Variants in LARP1 observed in about 807,000 individuals in gnomAD.
The protein encoded by LARP1 is la-related protein 1.
LARP1 carries 36 observed loss-of-function variants against 122.7 expected under a neutral mutation model. The observed-to-expected ratio is 0.29, with a 90% CI of 0.22 to 0.39. The LOEUF is 0.39. Ranked by LOEUF, LARP1 falls within the 10% of genes least tolerant of loss-of-function variation. The pLI is 1.00. For synonymous variants in LARP1, 539 were observed against 528.7 expected (o/e 1.02, Z -0.27); for missense variants, 1,040 against 1,403.6 (o/e 0.74, Z 4.14).
chr5:154,712,762 G>C, upstream of LARP1: 1 of 627,170 alleles, frequency 1.6e-6, no homozygotes, highest in Non-Finnish European at 2.9e-6. Context: ...AGCCTTGCTC[G>C]GCCAATGAGC....
intron 1 of LARP1, among the ~76,000 whole-genome samples, chr5:154,745,410 C>A (rs1753138594): frequency 6.6e-6 from 1 of 152,230 alleles, no homozygotes; most frequent in Non-Finnish European, 1.5e-5. Flanking sequence ...CCACTACCCC[C>A]TTTATGATAA....
intron 3 of LARP1, 47 bp downstream of exon 3, chr5:154,790,757 C>A: frequency 5.3e-6 from 8 of 1,522,838 alleles, no homozygotes; most frequent in Non-Finnish European, 6.4e-6. Context: ...TCTTGACATA[C>A]ACACATTTAG....
intron 1 of LARP1, among the ~76,000 whole-genome samples, chr5:154,704,309 T>C (rs1398144268): frequency 6.6e-6 from 1 of 152,156 alleles, no homozygotes; most frequent in Non-Finnish European, 1.5e-5. Context: ...GTATGTTTGA[T>C]TGACAGGGCT....
chr5:154,810,328 C>T (rs1053200962), intron 16 of LARP1, among the ~76,000 whole-genome samples: 3 of 151,304 alleles, frequency 2.0e-5, no homozygotes, highest in Admixed American at 6.6e-5. Context: ...TCCAGCTACA[C>T]GGGAGGCTGA....
At chr5:154,738,703 T>C (rs1313350080) in intron 1 of LARP1, among the ~76,000 whole-genome samples, 1 of 152,172 alleles carries the variant, frequency 6.6e-6, no homozygotes, top group African/African-American at 2.4e-5. Context: ...ACATTATTTT[T>C]GATCCAAAAT....
At chr5:154,714,754 TAGA>T (rs1393612040) in intron 1 of LARP1, among the ~76,000 whole-genome samples, 1 of 152,158 alleles carries the variant, frequency 6.6e-6, no homozygotes, top group Non-Finnish European at 1.5e-5. Context: ...GAGCCTATGG[TAGA>T]AGGAGTGGAG....
chr5:154,733,208 C>T (rs1756687188), intron 1 of LARP1, among the ~76,000 whole-genome samples: 2 of 152,168 alleles, frequency 1.3e-5, no homozygotes, highest in Non-Finnish European at 2.9e-5. Flanking sequence ...ATTTAAGTAA[C>T]ACATACATTA....
At chr5:154,791,331 A>C (rs1582422861) in intron 3 of LARP1, among the ~76,000 whole-genome samples, 1 of 151,856 alleles carries the variant, frequency 6.6e-6, no homozygotes, top group East Asian at 1.9e-4. Flanking sequence ...CTCCCGCCTC[A>C]GCCTCCTGAG....
At position 154,790,347 on chromosome 5, in the gene LARP1, G is replaced by A; in HGVS notation, c.459G>A (p.Val153=). Residue 153 remains valine (V), a synonymous_variant, in exon 2 of 19, where the codon GTG becomes GTA. Transcript: ENST00000518297. The part of the protein sequence containing the change: ...SPPEHSAPAK[V]VRAAVPKQRK... The stretch of plus-strand genomic sequence containing the variant: ...CAGAACACTCTGCTCCAGCCAAGGT[G>A]GTGAGGGCAGCTGTTCCTAAACAGC... The A allele has an allele frequency of 1.2e-6, 2 of 1,613,742 alleles. No homozygotes were observed. The highest frequency in any genetic ancestry group is 1.7e-6 in the Non-Finnish European group (2 of 1,179,842).
intron 1 of LARP1, among the ~76,000 whole-genome samples, chr5:154,746,987 T>C (rs1353138928): frequency 6.6e-6 from 1 of 151,560 alleles, no homozygotes; most frequent in Non-Finnish European, 1.5e-5. Flanking sequence ...ATACAAAAAT[T>C]AGCCAGGCAT....
At chr5:154,688,434 G>A (rs769245411) in intron 1 of LARP1, among the ~76,000 whole-genome samples, 8 of 151,996 alleles carry the variant, frequency 5.3e-5, no homozygotes, top group Non-Finnish European at 7.4e-5. Flanking sequence ...CAGATCACGT[G>A]AGGCCAAGAG....
chr5:154,764,595 CAAAAAAAAAA>C (rs1158921641), intron 1 of LARP1, among the ~76,000 whole-genome samples: 2 of 44,890 alleles, frequency 4.5e-5, no homozygotes, highest in African/African-American at 2.0e-4. Context: ...GACCATGTCT[CAAAAAAAAAA>C]AAAAAAAAAA....
intron 1 of LARP1, among the ~76,000 whole-genome samples, chr5:154,784,472 TA>T (rs1204164281): frequency 3.9e-5 from 6 of 152,332 alleles, no homozygotes; most frequent in African/African-American, 1.2e-4. Flanking sequence ...TAGTAGTTCT[TA>T]GCTCTCTGGT....
At chr5:154,757,709 C>G (rs986063313) in intron 1 of LARP1, among the ~76,000 whole-genome samples, 1 of 152,050 alleles carries the variant, frequency 6.6e-6, no homozygotes, top group Non-Finnish European at 1.5e-5. Flanking sequence ...ATTTTTATTT[C>G]TTTTCAGGTT....
chr5:154,790,567 T>A (rs969988538), intron 2 of LARP1, 78 bp from the exon 3 acceptor site: 1 of 1,512,640 alleles, frequency 6.6e-7, no homozygotes, highest in Non-Finnish European at 9.2e-7. Context: ...CTCTGATCTC[T>A]TGGTGAAGCT....
intron 1 of LARP1, among the ~76,000 whole-genome samples, chr5:154,694,421 A>G (rs1480417214): frequency 1.3e-5 from 2 of 149,056 alleles, no homozygotes; most frequent in Non-Finnish European, 1.5e-5. Context: ...ATACCTGGCC[A>G]TTTTTTTTTT....
At chr5:154,767,369 G>T (rs1392038488) in intron 1 of LARP1, among the ~76,000 whole-genome samples, 1 of 152,190 alleles carries the variant, frequency 6.6e-6, no homozygotes, top group East Asian at 1.9e-4. Context: ...TTGCTTAACA[G>T]AAGTCAGGTG....
At chr5:154,740,515 C>G (rs1681547307) in intron 1 of LARP1, among the ~76,000 whole-genome samples, 1 of 152,154 alleles carries the variant, frequency 6.6e-6, no homozygotes, top group Admixed American at 6.5e-5. Flanking sequence ...CTCCCAACAG[C>G]CTAATGAGGA....
rs542787090 is a variant in LARP1 at position 154,742,729 on chromosome 5, CAAAAAAAA to C, written c.205+29607_205+29614del. 1.8e-4 allele frequency among the ~76,000 whole-genome samples: 14 copies of C among 77,410 alleles called. No individual in the cohort carries two copies. The South Asian group carries it at 4.6e-3, about 25-fold the overall frequency. 50.8% of individuals were successfully genotyped at this position (77,410 alleles called of 152,430 possible). On this transcript the variant is annotated intron_variant, in intron 1 of 18. Coordinates refer to the LARP1 transcript ENST00000336314. Reference sequence around the variant, plus strand: ...TGGGCAACAGAGTCAGACCCTGTCTCAAAAAAAAAAAAAAAGAAAAAAGAAAAAAGAAA... The same window carrying C: ...TGGGCAACAGAGTCAGACCCTGTCTCAAAAAAAGAAAAAAGAAAAAAGAAA...
Sources: gnomAD v4.1 joint callset for allele counts (sites outside exome capture counted in the v4.1 genomes callset) on GRCh38, gnomAD v4.1.1 for gene constraint, MANE v1.5 for transcripts, NCBI Gene and HGNC (gene_info 2026-07-23, HGNC 2026-07-21) for gene names.